The following CELF2 variants were observed in gnomAD, a reference collection of about 807,000 sequenced individuals.
CELF2 encodes the protein CUG triplet repeat RNA-binding protein 2.
In CELF2, 8 loss-of-function variants were observed where a neutral mutation model predicts 62.6. The ratio of observed to expected loss-of-function variants is 0.13; its 90% CI spans 0.07 to 0.23. The LOEUF (loss-of-function observed/expected upper bound fraction) is 0.23. CELF2 is among the 10% of genes least tolerant of loss of function. The pLI, the probability that CELF2 is intolerant of heterozygous loss-of-function variation, is 1.00. For missense variants in CELF2, 333 were observed against 671.0 expected, an observed-to-expected ratio of 0.50 and a Z score of 5.56; for synonymous variants, 258 against 250.0, an observed-to-expected ratio of 1.03 and a Z score of -0.30.
the CELF2 span, among the ~76,000 whole-genome samples, chr10:10,639,009 T>C: frequency 6.6e-6 from 1 of 152,264 alleles, no homozygotes; most frequent in Non-Finnish European, 1.5e-5. Context: ...CACATTTGTT[T>C]AATTAATATT....
intron 2 of CELF2, chr10:10,960,090 C>T (rs1167927292): frequency 6.6e-6 from 1 of 152,262 alleles, no homozygotes; most frequent in African/African-American, 2.4e-5. Context: ...GGATAGTACG[C>T]TTCCTAGGCG....
chr10:11,037,162 A>G (rs1448308596), intron 1 of CELF2, among the ~76,000 whole-genome samples: 3 of 152,258 alleles, frequency 2.0e-5, no homozygotes, highest in Non-Finnish European at 4.4e-5. Flanking sequence ...GAGACCTCAC[A>G]GTCATGGAAG....
At position 11,328,914 on chromosome 10, in the gene CELF2, G is replaced by C. The variant is rs200407911; in HGVS notation, c.1439-12G>C. On this transcript the variant is annotated splice_polypyrimidine_tract_variant and intron_variant, in intron 12 of 12. Transcript: ENST00000633077. This position sits in a 1 kb window ranked among gnomAD's most constrained non-coding sequence, Gnocchi z 6.4. ...CCTCTCCAGGCTGACTCCCTCTCTC[G>C]GTATTTTCCAGGTTTTGTTAGCTAC... 1.4e-4 allele frequency: 221 copies of C among 1,604,550 alleles called. No individual in the cohort carries two copies. Among genetic ancestry groups the C allele is most frequent in the Non-Finnish European group, 1.6e-4 (189 of 1,173,278 alleles).
chr10:10,952,690 G>C (rs1188045495), intron 2 of CELF2, among the ~76,000 whole-genome samples: 1 of 148,172 alleles, frequency 6.7e-6, no homozygotes, highest in Non-Finnish European at 1.5e-5. Flanking sequence ...AAAAAAAAAA[G>C]AGGTGGGGGA....
chr10:10,523,999 T>C, the CELF2 span, among the ~76,000 whole-genome samples: 1 of 152,196 alleles, frequency 6.6e-6, no homozygotes, highest in East Asian at 1.9e-4. Flanking sequence ...ATAAACTGTA[T>C]GTGTTAATGA....
At chr10:10,885,276 T>C (rs1431709318) in intron 1 of CELF2, among the ~76,000 whole-genome samples, 1 of 151,838 alleles carries the variant, frequency 6.6e-6, no homozygotes, top group Non-Finnish European at 1.5e-5. Flanking sequence ...ATGATAGGTC[T>C]TTACAGACTA....
chr10:10,655,283 A>G, the CELF2 span, among the ~76,000 whole-genome samples: 1 of 138,454 alleles, frequency 7.2e-6, no homozygotes, highest in Non-Finnish European at 1.6e-5. Flanking sequence ...TATCGTGAAA[A>G]TGGCCATACT....
intron 1 of CELF2, among the ~76,000 whole-genome samples, chr10:10,874,517 A>G (rs1214337966): frequency 1.3e-5 from 2 of 152,144 alleles, no homozygotes; most frequent in African/African-American, 4.8e-5. Context: ...AAAATTTATA[A>G]ATAGATCTCT....
At chr10:10,529,167 C>T in the CELF2 span, among the ~76,000 whole-genome samples, 1 of 152,196 alleles carries the variant, frequency 6.6e-6, no homozygotes, top group Non-Finnish European at 1.5e-5. Flanking sequence ...GCAATGCAGA[C>T]ACGGCCTGTA....
intron 1 of CELF2, among the ~76,000 whole-genome samples, chr10:11,136,136 AG>A (rs987732981): frequency 1.8e-4 from 28 of 152,224 alleles, no homozygotes; most frequent in African/African-American, 5.3e-4. Flanking sequence ...TGGAAGGTTC[AG>A]AAAGACAACT....
chr10:11,240,996 G>A lies in CELF2; in HGVS notation c.355-8157G>A, dbSNP rs1330870682. ...CTGTCTGACTCGGCCAAGTTATTTAGCCTCTCTCTGCCTGGGTTCCTCATA... is the reference window on the plus strand; with the variant it reads ...CTGTCTGACTCGGCCAAGTTATTTAACCTCTCTCTGCCTGGGTTCCTCATA... On this transcript the variant is annotated intron_variant, in intron 3 of 12. Transcript: ENST00000633077. 2.0e-5 allele frequency among the ~76,000 whole-genome samples: 3 copies of A among 151,982 alleles called. No individual in the cohort carries two copies. The East Asian group carries it at 5.8e-4, about 29-fold the overall frequency.
At chr10:10,715,241 G>A in the CELF2 span, among the ~76,000 whole-genome samples, 13 of 152,170 alleles carry the variant, frequency 8.5e-5, no homozygotes, top group Non-Finnish European at 1.9e-4. Context: ...GGCTATGAAG[G>A]AGAGAAAAGG....
chr10:11,158,309 G>A (rs1226348024), intron 1 of CELF2, among the ~76,000 whole-genome samples: 1 of 152,186 alleles, frequency 6.6e-6, no homozygotes, highest in Non-Finnish European at 1.5e-5. Context: ...CAGTCACACT[G>A]AGCTCAGCCG....
At chr10:10,505,939 G>T in the CELF2 span, among the ~76,000 whole-genome samples, 5 of 152,156 alleles carry the variant, frequency 3.3e-5, no homozygotes. Context: ...TCCCTAGATG[G>T]TCTACCACCT....
At chr10:10,919,885 T>A (rs886820504) in intron 1 of CELF2, 25 of 949,744 alleles carry the variant, frequency 2.6e-5, no homozygotes, top group Middle Eastern at 3.8e-4. Flanking sequence ...CCATAATACT[T>A]ATTATGTGAT....
chr10:10,753,851 C>T, the CELF2 span, among the ~76,000 whole-genome samples: 1 of 152,112 alleles, frequency 6.6e-6, no homozygotes, highest in African/African-American at 2.4e-5. Context: ...AAACCCATGA[C>T]ATCTAGGAAA....
At chr10:10,614,433 A>T in the CELF2 span, among the ~76,000 whole-genome samples, 2 of 152,030 alleles carry the variant, frequency 1.3e-5, no homozygotes, top group African/African-American at 4.8e-5. Flanking sequence ...TCTCCATAGG[A>T]GTTGTTTTTC....
chr10:11,298,443 T>A (rs1429829400), intron 9 of CELF2, among the ~76,000 whole-genome samples: 1 of 152,226 alleles, frequency 6.6e-6, no homozygotes, highest in East Asian at 1.9e-4. Context: ...AGGGTACTTA[T>A]ATCACATATG....
At chr10:10,511,879 C>T in the CELF2 span, among the ~76,000 whole-genome samples, 3 of 152,190 alleles carry the variant, frequency 2.0e-5, no homozygotes, top group Admixed American at 2.0e-4. Context: ...CAAATTTGCA[C>T]TCATAGTCCC....
Sources: allele counts gnomAD v4.1 joint callset (sites outside exome capture counted in the v4.1 genomes callset), GRCh38; gene constraint gnomAD v4.1.1; non-coding constraint Gnocchi (gnomAD v3.1); transcripts MANE v1.5; gene names NCBI Gene and HGNC (gene_info 2026-07-23, HGNC 2026-07-21).